The following PDE4D variants were observed in gnomAD, a reference collection of about 807,000 sequenced individuals.
The protein encoded by PDE4D is 3',5'-cyclic-AMP phosphodiesterase 4D.
PDE4D carries 24 observed loss-of-function variants against 87.4 expected under a neutral mutation model. That is an observed-to-expected ratio of 0.27 (90% CI 0.20 to 0.39). PDE4D has a LOEUF of 0.39. PDE4D is among the 10% of genes least tolerant of loss of function. The pLI is 1.00. For missense variants in PDE4D, 714 were observed against 1,041.0 expected (o/e 0.69, Z 4.32); for synonymous variants, 384 against 383.2 (o/e 1.00, Z -0.02).
intron 1 of PDE4D, among the ~76,000 whole-genome samples, chr5:59,677,592 A>G (rs1257214648): frequency 6.6e-6 from 1 of 152,216 alleles, no homozygotes; most frequent in East Asian, 1.9e-4. Flanking sequence ...TTTTTGTACA[A>G]TGTAGACAGA....
At chr5:59,946,132 T>C (rs1354520856) in intron 3 of PDE4D, among the ~76,000 whole-genome samples, 1 of 152,204 alleles carries the variant, frequency 6.6e-6, no homozygotes, top group Non-Finnish European at 1.5e-5. Context: ...GATGGTCCCA[T>C]ACTGGGCTTG....
At chr5:60,153,054 C>A (rs1302892463) in intron 2 of PDE4D, among the ~76,000 whole-genome samples, 1 of 151,978 alleles carries the variant, frequency 6.6e-6, no homozygotes, top group African/African-American at 2.4e-5. Flanking sequence ...TAAAATGCAA[C>A]CAGGAAGCGA....
At chr5:59,739,015 C>T (rs1015724776) in intron 1 of PDE4D, among the ~76,000 whole-genome samples, 1 of 151,976 alleles carries the variant, frequency 6.6e-6, no homozygotes, top group South Asian at 2.1e-4. Context: ...AGTCATAGAT[C>T]AAATTTTCCA....
chr5:59,742,078 G>T (rs936748171), intron 1 of PDE4D, among the ~76,000 whole-genome samples: 1 of 151,982 alleles, frequency 6.6e-6, no homozygotes, highest in Non-Finnish European at 1.5e-5. Context: ...GGAGGGTAGG[G>T]TGTGGATGGA....
chr5:60,478,497 C>T (rs1020135029), intron 1 of PDE4D, among the ~76,000 whole-genome samples: 2 of 151,914 alleles, frequency 1.3e-5, no homozygotes, highest in African/African-American at 4.8e-5. Flanking sequence ...TTAAAAGAAA[C>T]TATTCCTTCC....
intron 2 of PDE4D, among the ~76,000 whole-genome samples, chr5:60,093,554 C>G (rs1775358242): frequency 6.6e-6 from 1 of 152,128 alleles, no homozygotes; most frequent in Non-Finnish European, 1.5e-5. Context: ...GAGAGTGGAG[C>G]AAAGACAAAG....
chr5:59,771,370 C>T (rs1212519479), intron 1 of PDE4D, among the ~76,000 whole-genome samples: 1 of 139,248 alleles, frequency 7.2e-6, no homozygotes, highest in African/African-American at 2.7e-5. Flanking sequence ...AGAGATTATA[C>T]TAAAAATGAT....
chr5:59,977,698 G>T (rs1024824344), intron 3 of PDE4D, among the ~76,000 whole-genome samples: 3 of 152,156 alleles, frequency 2.0e-5, no homozygotes, highest in African/African-American at 7.2e-5. Flanking sequence ...ATTTTCAGTG[G>T]AGACAAAATA....
chr5:59,931,480 G>A (rs1168567833), intron 3 of PDE4D, among the ~76,000 whole-genome samples: 1 of 152,056 alleles, frequency 6.6e-6, no homozygotes, highest in Non-Finnish European at 1.5e-5. Flanking sequence ...TTGCTGGTGG[G>A]GACCCTCCAC....
At chr5:60,186,816 G>T (rs1008526601) in intron 1 of PDE4D, among the ~76,000 whole-genome samples, 2 of 151,962 alleles carry the variant, frequency 1.3e-5, no homozygotes, top group Non-Finnish European at 2.9e-5. Context: ...ACATTTAAAA[G>T]ATAAAAAACA....
At chr5:58,984,080 TTAG>T (rs1745861171) in intron 11 of PDE4D, among the ~76,000 whole-genome samples, 3 of 3,434 alleles carry the variant, frequency 8.7e-4, no homozygotes, top group African/African-American at 4.6e-3. Context: ...TAGCCTTGAG[TTAG>T]TTAGAAAATG....
intron 1 of PDE4D, among the ~76,000 whole-genome samples, chr5:60,422,461 G>C (rs1161442039): frequency 3.3e-5 from 5 of 152,174 alleles, no homozygotes; most frequent in Non-Finnish European, 7.3e-5. Flanking sequence ...GTAAGTGAAG[G>C]AGAAATAAAA....
At chr5:60,051,605 C>T (rs553864593) in intron 2 of PDE4D, among the ~76,000 whole-genome samples, 2 of 152,196 alleles carry the variant, frequency 1.3e-5, no homozygotes, top group Non-Finnish European at 2.9e-5. Context: ...AAAATCGACA[C>T]CCTAACGTCA....
chr5:59,142,972 A>C (rs1034188955), intron 5 of PDE4D, among the ~76,000 whole-genome samples: 10 of 152,226 alleles, frequency 6.6e-5, no homozygotes, highest in African/African-American at 2.2e-4. Context: ...AGCACTGAAA[A>C]ATATGTTCTA....
At chr5:60,070,299 G>A (rs983806665) in intron 2 of PDE4D, among the ~76,000 whole-genome samples, 3 of 152,002 alleles carry the variant, frequency 2.0e-5, no homozygotes, top group African/African-American at 7.2e-5. Flanking sequence ...TTTCACCATT[G>A]AGTATGACGT....
At chr5:60,519,148 A>G (rs1750929768) in intron 1 of PDE4D, among the ~76,000 whole-genome samples, 1 of 152,244 alleles carries the variant, frequency 6.6e-6, no homozygotes. Context: ...AACTTGAAGT[A>G]CTTATTTAAA....
chr5:59,917,714 A>G (rs1754219414), intron 3 of PDE4D, among the ~76,000 whole-genome samples: 1 of 152,304 alleles, frequency 6.6e-6, no homozygotes, highest in South Asian at 2.1e-4. Flanking sequence ...TGCTTAATAA[A>G]ATATTTGCTG....
At chr5:59,655,856 A>G (rs150083523) in intron 1 of PDE4D, among the ~76,000 whole-genome samples, 4 of 152,348 alleles carry the variant, frequency 2.6e-5, no homozygotes, top group Non-Finnish European at 4.4e-5. Context: ...AATATTAAAT[A>G]GATAGTTACA....
intron 1 of PDE4D, among the ~76,000 whole-genome samples, chr5:59,604,875 T>C (rs1237960483): frequency 1.3e-5 from 2 of 152,020 alleles, no homozygotes; most frequent in African/African-American, 4.8e-5. Flanking sequence ...ATGTAAACCA[T>C]ACATACCATT....
Sources: gnomAD v4.1 joint callset for allele counts (sites outside exome capture counted in the v4.1 genomes callset) on GRCh38, gnomAD v4.1.1 for gene constraint, MANE v1.5 for transcripts, NCBI Gene and HGNC (gene_info 2026-07-23, HGNC 2026-07-21) for gene names.